PARD3: variants seen among roughly 807,000 people sequenced by gnomAD.
The protein encoded by PARD3 is partitioning defective 3 homolog.
Under a neutral mutation model 155.4 loss-of-function variants are expected in PARD3, and 75 were observed. The ratio of observed to expected loss-of-function variants is 0.48; its 90% CI spans 0.40 to 0.58. PARD3 has a LOEUF of 0.58. Among genes scored for constraint, PARD3 ranks in the 20% least tolerant of loss-of-function variants. The probability of loss-of-function intolerance (pLI) is 0.00; values close to 1 mark genes in which losing one functional copy is unlikely to be tolerated. For synonymous variants in PARD3, 576 were observed against 610.5 expected, an observed-to-expected ratio of 0.94 and a Z score of 0.83; for missense variants, 1,642 against 1,721.7, an observed-to-expected ratio of 0.95 and a Z score of 0.82.
chr10:34,575,643 C>T (rs2086820393), intron 2 of PARD3, among the ~76,000 whole-genome samples: 2 of 152,148 alleles, frequency 1.3e-5, no homozygotes, highest in South Asian at 4.1e-4. Flanking sequence ...TGCCTGTAAT[C>T]CCAGCACTTT....
At chr10:34,753,274 G>A (rs1457208126) in intron 1 of PARD3, among the ~76,000 whole-genome samples, 2 of 152,210 alleles carry the variant, frequency 1.3e-5, no homozygotes, top group African/African-American at 2.4e-5. Flanking sequence ...ACTAAGAGCT[G>A]GGGACACCCT....
At chr10:34,674,450 G>A (rs1018078606) in intron 2 of PARD3, among the ~76,000 whole-genome samples, 2 of 134,256 alleles carry the variant, frequency 1.5e-5, no homozygotes, top group African/African-American at 2.8e-5. Context: ...CAATACAGCT[G>A]TTTTCTTCTA....
At position 34,378,059 on chromosome 10, in the gene PARD3, C is replaced by G; in HGVS notation, c.1447G>C (p.Gly483Arg). 1 of 1,597,140 alleles carries G rather than the reference C, an allele frequency of 6.3e-7. No individual in the cohort carries two copies. Among genetic ancestry groups the G allele is most frequent in the Non-Finnish European group, 8.5e-7 (1 of 1,173,154 alleles). The change falls in exon 10 of 25, where the codon GGT becomes CGT. Residue 483 changes from glycine to arginine, a missense_variant. By Grantham distance (125) the Gly-to-Arg change is moderately radical. Coordinates refer to ENST00000374788, the MANE Select transcript of PARD3 (RefSeq NM_001184785.2). ...FSITSRDVTI[G>R]GSAPIYVKNI... ...TTCACATAGATTGGAGCTGAGCCAC[C>G]TATTGTTACATCTCTGGAAGTGATG...
intron 3 of PARD3, among the ~76,000 whole-genome samples, chr10:34,481,985 C>G (rs1172401470): frequency 6.6e-6 from 1 of 151,318 alleles, no homozygotes. Flanking sequence ...GTGCCCCCCA[C>G]CATGCTCAGC....
At chr10:34,570,623 C>T (rs905557117) in intron 2 of PARD3, among the ~76,000 whole-genome samples, 5 of 152,168 alleles carry the variant, frequency 3.3e-5, no homozygotes, top group Non-Finnish European at 7.3e-5. Flanking sequence ...TTAAAAATCA[C>T]GGAGAACTCC....
At chr10:34,371,522 AAAAAAAAAAAC>A (rs1840642427) in intron 12 of PARD3, among the ~76,000 whole-genome samples, 3 of 72,042 alleles carry the variant, frequency 4.2e-5, no homozygotes, top group Non-Finnish European at 4.8e-5. Flanking sequence ...AAAAAAAAAA[AAAAAAAAAAAC>A]AACGAAGGAA....
chr10:34,730,119 G>A (rs1337542450), intron 1 of PARD3, among the ~76,000 whole-genome samples: 2 of 151,986 alleles, frequency 1.3e-5, no homozygotes, highest in East Asian at 3.9e-4. Flanking sequence ...ATTTTATAAA[G>A]GCCAAAATAA....
At chr10:34,665,616 G>A (rs2093432482) in intron 2 of PARD3, among the ~76,000 whole-genome samples, 1 of 150,466 alleles carries the variant, frequency 6.6e-6, no homozygotes, top group Admixed American at 6.6e-5. Flanking sequence ...GAGGCAGGCG[G>A]ATCACGAGGT....
intron 1 of PARD3, among the ~76,000 whole-genome samples, chr10:34,780,130 G>C (rs1459601760): frequency 6.6e-6 from 1 of 152,132 alleles, no homozygotes; most frequent in Non-Finnish European, 1.5e-5. Flanking sequence ...TGCTTCTTTT[G>C]TATGAATGGT....
chr10:34,424,001 G>C (rs893122243), intron 5 of PARD3, among the ~76,000 whole-genome samples: 4 of 152,064 alleles, frequency 2.6e-5, no homozygotes, highest in African/African-American at 9.7e-5. Context: ...CCAGCAAAAA[G>C]CAACTCACCA....
At position 34,348,052 on chromosome 10, in the gene PARD3, C is replaced by T. The variant is rs1034414481; in HGVS notation, c.2131G>A (p.Glu711Lys). The T allele has an allele frequency of 6.2e-7, 1 of 1,613,322 alleles. No individual in the cohort carries two copies. Among genetic ancestry groups the T allele is most frequent in the Non-Finnish European group, 8.5e-7 (1 of 1,179,664 alleles). Reference sequence around the variant, plus strand: ...TAGAGGGAATGGGAAATTCTTCGTTCTCTATCATCCAACGCTGTTTCAATG... The same window carrying T: ...TAGAGGGAATGGGAAATTCTTCGTTTTCTATCATCCAACGCTGTTTCAATG... ...LPIETALDDR[E>K]RRISHSLYSG... is the part of the protein sequence containing the mutation. The change falls in exon 15 of 25, where the codon GAA (glutamate) becomes AAA (lysine). Residue 711 changes from glutamate (E) to lysine (K), a missense_variant. Coordinates refer to ENST00000374788, the MANE Select transcript of PARD3 (RefSeq NM_001184785.2).
intron 2 of PARD3, among the ~76,000 whole-genome samples, chr10:34,519,353 T>C (rs949091511): frequency 6.6e-6 from 1 of 152,206 alleles, no homozygotes; most frequent in Non-Finnish European, 1.5e-5. Context: ...GAAGTGTATA[T>C]GGAAATACTC....
chr10:34,522,985 G>A (rs948927194), intron 2 of PARD3, among the ~76,000 whole-genome samples: 1 of 152,204 alleles, frequency 6.6e-6, no homozygotes, highest in Non-Finnish European at 1.5e-5. Flanking sequence ...GCAGACCTCT[G>A]AATAGGATTC....
chr10:34,666,271 A>C (rs1437082423), intron 2 of PARD3, among the ~76,000 whole-genome samples: 1 of 152,050 alleles, frequency 6.6e-6, no homozygotes, highest in Non-Finnish European at 1.5e-5. Flanking sequence ...TATAGAAGGT[A>C]TATTACTGAA....
intron 19 of PARD3, among the ~76,000 whole-genome samples, chr10:34,330,077 T>C (rs1835457589): frequency 6.6e-6 from 1 of 152,208 alleles, no homozygotes; most frequent in Non-Finnish European, 1.5e-5. Flanking sequence ...CTCTGGTCTC[T>C]GCCTTAGTTT....
intron 22 of PARD3, among the ~76,000 whole-genome samples, chr10:34,260,858 T>C (rs1954920425): frequency 6.6e-6 from 1 of 152,220 alleles, no homozygotes; most frequent in South Asian, 2.1e-4. Context: ...TAAGTGCCTA[T>C]ATCTAAGAAA....
chr10:34,550,220 G>A (rs2084430295), intron 2 of PARD3, among the ~76,000 whole-genome samples: 1 of 152,110 alleles, frequency 6.6e-6, no homozygotes, highest in Admixed American at 6.6e-5. Flanking sequence ...ACTGCCATGT[G>A]CCCTCCACCT....
chr10:34,382,868 C>A lies in PARD3; in HGVS notation c.1071G>T (p.Val357=). Residue 357 remains valine, a synonymous_variant, in exon 9 of 25, where the codon GTG becomes GTT. Coordinates refer to ENST00000374788, the MANE Select transcript of PARD3 (RefSeq NM_001184785.2). ...AMRTPIIWFH[V]VPAANKEQYE... ...ACTGCTCTTTATTTGCTGCAGGAAC[C>A]ACATGGAACCAAATGATGGGTGTAC... The A allele has an allele frequency of 6.2e-7, 1 of 1,614,084 alleles. No individual in the cohort carries two copies. Among genetic ancestry groups the A allele is most frequent in the Non-Finnish European group, 8.5e-7 (1 of 1,179,994 alleles).
chr10:34,236,331 CT>C (rs1035923176), intron 22 of PARD3, among the ~76,000 whole-genome samples: 1 of 152,110 alleles, frequency 6.6e-6, no homozygotes, highest in South Asian at 2.1e-4. Flanking sequence ...ATTTCCCACT[CT>C]TATTCCATTT....
Sources: allele counts gnomAD v4.1 joint callset (sites outside exome capture counted in the v4.1 genomes callset), GRCh38; gene constraint gnomAD v4.1.1; transcripts MANE v1.5; gene names NCBI Gene and HGNC (gene_info 2026-07-23, HGNC 2026-07-21).